The following PRKAR2A variants were observed in gnomAD, a reference collection of about 807,000 sequenced individuals.
The protein encoded by PRKAR2A is cAMP-dependent protein kinase type II-alpha regulatory subunit.
A neutral mutation model predicts 51.9 loss-of-function variants in PRKAR2A; 29 were observed. The ratio of observed to expected loss-of-function variants is 0.56; its 90% CI spans 0.42 to 0.76. The LOEUF (loss-of-function observed/expected upper bound fraction) is 0.76. PRKAR2A is among the 30% of genes least tolerant of loss of function. The probability of loss-of-function intolerance (pLI) is 0.00; values close to 1 mark genes in which losing one functional copy is unlikely to be tolerated. For missense variants in PRKAR2A, 445 were observed against 512.1 expected, an observed-to-expected ratio of 0.87 and a Z score of 1.26; for synonymous variants, 178 against 186.2, an observed-to-expected ratio of 0.96 and a Z score of 0.36.
Position 48,752,379 on chromosome 3 carries a change from T to G in PRKAR2A, c.940-62A>C, listed in dbSNP as rs1484104562. 7.8e-6 allele frequency: 12 copies of G among 1,542,344 alleles called. No homozygotes were observed. In the African/African-American group the frequency reaches 1.6e-4, roughly 21 times the overall value. On this transcript the variant is annotated intron_variant, in intron 9 of 10. Coordinates refer to ENST00000265563, the MANE Select transcript of PRKAR2A (RefSeq NM_004157.4). Reference sequence around the variant, plus strand: ...AGGATCACAGCTGGGCATGTCCAGTTGCACACACATACACTGTTCTCAGCA... The same window carrying G: ...AGGATCACAGCTGGGCATGTCCAGTGGCACACACATACACTGTTCTCAGCA...
At chr3:48,811,094 T>C (rs1451152966) in intron 1 of PRKAR2A, among the ~76,000 whole-genome samples, 1 of 151,920 alleles carries the variant, frequency 6.6e-6, no homozygotes, top group East Asian at 1.9e-4. Flanking sequence ...AGGGGATCCA[T>C]TGAGCCCAGG....
intron 1 of PRKAR2A, among the ~76,000 whole-genome samples, chr3:48,836,814 TAAA>T (rs76623272): frequency 7.6e-6 from 1 of 132,134 alleles, no homozygotes. Context: ...CAATCTCTAC[TAAA>T]AAAAAAAAAA....
chr3:48,834,789 C>T (rs535422768), intron 1 of PRKAR2A, among the ~76,000 whole-genome samples: 1 of 149,638 alleles, frequency 6.7e-6, no homozygotes, highest in South Asian at 2.1e-4. Flanking sequence ...TTGCAAATCA[C>T]TTATCATATA....
At chr3:48,763,988 T>G (rs755364674) in intron 8 of PRKAR2A, among the ~76,000 whole-genome samples, 2 of 152,202 alleles carry the variant, frequency 1.3e-5, no homozygotes, top group Admixed American at 6.5e-5. Context: ...CCTTTTATGG[T>G]AAGTCTGATT....
chr3:48,806,964 G>A (rs2082684143), intron 2 of PRKAR2A, among the ~76,000 whole-genome samples: 1 of 151,772 alleles, frequency 6.6e-6, no homozygotes, highest in Admixed American at 6.6e-5. Flanking sequence ...GTAGAGACGG[G>A]GTTTCACCAT....
At chr3:48,778,613 G>A (rs576749228) in intron 5 of PRKAR2A, among the ~76,000 whole-genome samples, 49 of 150,174 alleles carry the variant, frequency 3.3e-4, no homozygotes, top group South Asian at 1.1e-3. Context: ...TCTGCCTCCC[G>A]GGTTCAAGTT....
chr3:48,829,935 C>T (rs2083160052), intron 1 of PRKAR2A, among the ~76,000 whole-genome samples: 2 of 143,562 alleles, frequency 1.4e-5, no homozygotes, highest in Middle Eastern at 4.0e-3. Flanking sequence ...CAGTGGCTCA[C>T]GCCTATAATC....
chr3:48,758,402 C>T (rs956845104), intron 8 of PRKAR2A, among the ~76,000 whole-genome samples: 2 of 151,206 alleles, frequency 1.3e-5, no homozygotes, highest in African/African-American at 4.9e-5. Context: ...AACATGGCGG[C>T]GAAACCCCAT....
chr3:48,765,304 T>C lies in PRKAR2A; in HGVS notation c.742A>G (p.Lys248Glu), dbSNP rs2081925105. The C allele has an allele frequency of 1.2e-6, 2 of 1,612,524 alleles. No homozygotes were observed. Among genetic ancestry groups the C allele is most frequent in the East Asian group, 4.5e-5 (2 of 44,848 alleles). Residue 248 changes from lysine (K) to glutamate (E), a missense_variant, in exon 7 of 11, where the codon AAG becomes GAG. By Grantham distance (56) the Lys-to-Glu change is moderately conservative (BLOSUM62 1). Coordinates refer to ENST00000265563, the MANE Select transcript of PRKAR2A (RefSeq NM_004157.4). ...RRIIVKNNAK[K>E]RKMFESFIES... ...ATAAATGATTCAAACATCTTCCTCT[T>C]CTTTGCATTATTTTTCACTATGATT...
chr3:48,826,420 G>T (rs1196564791), intron 1 of PRKAR2A, among the ~76,000 whole-genome samples: 1 of 152,114 alleles, frequency 6.6e-6, no homozygotes, highest in Non-Finnish European at 1.5e-5. Context: ...GGTCTGTAAG[G>T]GTCCTGAACA....
At chr3:48,808,215 A>G (rs2082708723) in intron 1 of PRKAR2A, among the ~76,000 whole-genome samples, 1 of 139,356 alleles carries the variant, frequency 7.2e-6, no homozygotes, top group Non-Finnish European at 1.6e-5. Context: ...GCCCGGCTAT[A>G]TTTTTGTATT....
At chr3:48,840,508 C>A (rs2083359787) in intron 1 of PRKAR2A, among the ~76,000 whole-genome samples, 1 of 148,114 alleles carries the variant, frequency 6.8e-6, no homozygotes, top group South Asian at 2.2e-4. Context: ...ATATATATAC[C>A]ATATTTTGTT....
intron 5 of PRKAR2A, among the ~76,000 whole-genome samples, chr3:48,774,854 T>TTTGC (rs1173625951): frequency 6.6e-6 from 1 of 152,172 alleles, no homozygotes; most frequent in African/African-American, 2.4e-5. Context: ...TCTTCCTTTC[T>TTTGC]TTGCCTTATT....
chr3:48,790,489 T>C (rs764502632), intron 4 of PRKAR2A, 55 bp downstream of exon 4: 251 of 1,305,636 alleles, frequency 1.9e-4, no homozygotes, highest in Non-Finnish European at 2.4e-4. Context: ...AAGTGACAAA[T>C]AGGAGCAAAG....
chr3:48,776,049 G>A (rs2082100146), intron 5 of PRKAR2A, among the ~76,000 whole-genome samples: 1 of 152,162 alleles, frequency 6.6e-6, no homozygotes, highest in Non-Finnish European at 1.5e-5. Flanking sequence ...GGAGGTTGCA[G>A]TGAGCCAAGA....
At chr3:48,795,088 G>A (rs142873994) in intron 2 of PRKAR2A, among the ~76,000 whole-genome samples, 1,798 of 151,066 alleles carry the variant, frequency 0.012, 8 homozygotes, top group Non-Finnish European at 0.016. Flanking sequence ...ACCATTCTCC[G>A]GCCTCAGCCT....
intron 2 of PRKAR2A, among the ~76,000 whole-genome samples, chr3:48,804,554 G>A (rs1389401896): frequency 6.6e-6 from 1 of 152,182 alleles, no homozygotes; most frequent in African/African-American, 2.4e-5. Flanking sequence ...TTTAAGGTTA[G>A]TAAGGAAGAA....
chr3:48,847,787 A>G lies in PRKAR2A; in HGVS notation c.-191T>C, dbSNP rs1313667817. ...CCTACGCTACCACGGCCGACCTGGC[A>G]CCGCCGCCGCTGTCACTGGGCAGCC... On this transcript the variant is annotated 5_prime_UTR_variant, in exon 1 of 11. Coordinates refer to ENST00000265563, the MANE Select transcript of PRKAR2A (RefSeq NM_004157.4). The surrounding 1 kb of genome is among the most constrained non-coding windows in gnomAD (Gnocchi z 4.4). The G allele has an allele frequency of 1.9e-6, 1 of 516,098 alleles. No individual in the cohort carries two copies. The highest frequency in any genetic ancestry group is 3.6e-5 in the East Asian group (1 of 27,476). The allele number at this position is 516,098 out of a possible 1,614,324, so 32.0% of individuals were successfully genotyped here.
At chr3:48,824,542 T>TAAGAAAGAAAGAAAGA (rs200913812) in intron 1 of PRKAR2A, among the ~76,000 whole-genome samples, 2 of 123,866 alleles carry the variant, frequency 1.6e-5, no homozygotes, top group Admixed American at 8.7e-5. Flanking sequence ...TCCAAAATCA[T>TAAGAAAGAAAGAAAGA]AAGAAAGAAA....
Sources: gnomAD v4.1 joint callset for allele counts (sites outside exome capture counted in the v4.1 genomes callset) on GRCh38, gnomAD v4.1.1 for gene constraint, Gnocchi (gnomAD v3.1) non-coding constraint, MANE v1.5 for transcripts, NCBI Gene and HGNC (gene_info 2026-07-23, HGNC 2026-07-21) for gene names.